Variants in CNOT10 observed in about 807,000 individuals in gnomAD.
CNOT10 encodes CCR4-NOT transcription complex, subunit 10.
CNOT10 carries 30 observed loss-of-function variants against 94.6 expected under a neutral mutation model. The observed-to-expected ratio is 0.32, with a 90% confidence interval of 0.24 to 0.43. CNOT10 has a LOEUF of 0.43. Ranked by LOEUF, CNOT10 falls within the 20% of genes least tolerant of loss-of-function variation. The pLI, the probability that CNOT10 is intolerant of heterozygous loss-of-function variation, is 1.00. For synonymous variants in CNOT10, 289 were observed against 301.6 expected, an observed-to-expected ratio of 0.96 and a Z score of 0.43; for missense variants, 759 against 877.2, an observed-to-expected ratio of 0.87 and a Z score of 1.70.
chr3:32,719,247 T>TAAAAAG (rs1392336822), intron 7 of CNOT10, among the ~76,000 whole-genome samples: 3 of 151,256 alleles, frequency 2.0e-5, no homozygotes. Context: ...AGACTCCGTC[T>TAAAAAG]AAAAACAAAA....
intron 13 of CNOT10, chr3:32,753,118 T>G (rs1171175730): frequency 7.1e-6 from 4 of 564,872 alleles, no homozygotes; most frequent in Non-Finnish European, 1.4e-5. Context: ...CAAAGAAGTC[T>G]CTCGAATTCA....
At chr3:32,710,867 C>T (rs575650905) in intron 4 of CNOT10, among the ~76,000 whole-genome samples, 1 of 152,108 alleles carries the variant, frequency 6.6e-6, no homozygotes, top group Non-Finnish European at 1.5e-5. Context: ...ATTACAGTCA[C>T]GCGCCACCAC....
intron 4 of CNOT10, among the ~76,000 whole-genome samples, chr3:32,709,865 T>C (rs1575221691): frequency 6.6e-6 from 1 of 152,222 alleles, no homozygotes; most frequent in East Asian, 1.9e-4. Context: ...AATATAAATA[T>C]GCCCAGCGCA....
chr3:32,695,949 AAAT>A lies in CNOT10; in HGVS notation c.23-7915_23-7913del, dbSNP rs556416469. The stretch of plus-strand genomic sequence containing the variant: ...ATGTACAAATACACAAGGAAAATAA[AAAT>A]AATCCTGTTGAAGAGAGTGTGTGTG... On this transcript the variant is annotated intron_variant, in intron 1 of 18. Transcript: ENST00000328834. 4.9e-4 allele frequency: 369 copies of A among 757,490 alleles called. 1 individual carries two copies. In the African/African-American group the frequency reaches 5.0e-3, roughly 10 times the overall value. The allele number at this position is 757,490 out of a possible 1,614,324, so 46.9% of individuals were successfully genotyped here. A position where few individuals can be genotyped will look rare whatever the true frequency, so the allele number is the denominator to read the frequency against.
intron 14 of CNOT10, among the ~76,000 whole-genome samples, chr3:32,762,272 T>A (rs1293190263): frequency 3.3e-5 from 5 of 151,292 alleles, no homozygotes; most frequent in African/African-American, 7.3e-5. Flanking sequence ...TCTTAATTTT[T>A]ATTTTTATTT....
intron 13 of CNOT10, among the ~76,000 whole-genome samples, chr3:32,741,036 T>G (rs1699439811): frequency 6.6e-6 from 1 of 151,994 alleles, no homozygotes; most frequent in Non-Finnish European, 1.5e-5. Context: ...GAAAGATCCC[T>G]CATATTGCCC....
At chr3:32,723,908 G>C (rs1234082591) in intron 8 of CNOT10, among the ~76,000 whole-genome samples, 1 of 152,048 alleles carries the variant, frequency 6.6e-6, no homozygotes, top group Non-Finnish European at 1.5e-5. Context: ...CAGGGACCCT[G>C]TCTCTGCAAA....
intron 15 of CNOT10, chr3:32,764,076 G>A (rs1263770454): frequency 1.1e-5 from 2 of 178,534 alleles, no homozygotes; most frequent in Non-Finnish European, 2.3e-5. Context: ...GTTGCAGTGA[G>A]TCGTGCCATT....
At chr3:32,752,987 C>A (rs1431364174) in intron 13 of CNOT10, 14 of 469,852 alleles carry the variant, frequency 3.0e-5, no homozygotes, top group South Asian at 2.2e-4. Flanking sequence ...TCGACGAGGA[C>A]CCCCAGGCGG....
intron 1 of CNOT10, among the ~76,000 whole-genome samples, chr3:32,701,862 G>A (rs1459307255): frequency 6.6e-6 from 1 of 151,954 alleles, no homozygotes; most frequent in Non-Finnish European, 1.5e-5. Context: ...GTGCAATCTC[G>A]GCTCACTGCA....
intron 8 of CNOT10, among the ~76,000 whole-genome samples, chr3:32,720,827 CCCTCCCTCCCTT>C (rs1280416022): frequency 7.4e-6 from 1 of 134,448 alleles, no homozygotes; most frequent in Non-Finnish European, 1.6e-5. Context: ...TGCCTGCCCT[CCCTCCCTCCCTT>C]CCTCCCTTCC....
At chr3:32,738,329 G>A (rs1699284682) in intron 13 of CNOT10, among the ~76,000 whole-genome samples, 1 of 152,052 alleles carries the variant, frequency 6.6e-6, no homozygotes, top group Non-Finnish European at 1.5e-5. Flanking sequence ...CTAATAAAAA[G>A]GACAGGTATT....
intron 17 of CNOT10, among the ~76,000 whole-genome samples, chr3:32,766,991 G>A (rs1700673622): frequency 6.6e-6 from 1 of 152,348 alleles, no homozygotes; most frequent in East Asian, 1.9e-4. Context: ...ATGGGAATAA[G>A]ACTGCACATA....
At chr3:32,759,761 G>T (rs982575705) in intron 14 of CNOT10, among the ~76,000 whole-genome samples, 190 bp downstream of exon 14, 23 of 152,126 alleles carry the variant, frequency 1.5e-4, no homozygotes, top group Non-Finnish European at 2.8e-4. Flanking sequence ...TGTACTGAGC[G>T]TTAGGAGACA....
At chr3:32,753,909 A>G (rs1461670679) in intron 13 of CNOT10, 3 of 1,240,416 alleles carry the variant, frequency 2.4e-6, no homozygotes, top group Non-Finnish European at 3.5e-6. Flanking sequence ...TAAATAAATT[A>G]ATTTGCTCTC....
intron 1 of CNOT10, among the ~76,000 whole-genome samples, chr3:32,692,040 G>A (rs1386071072): frequency 2.2e-5 from 3 of 139,058 alleles, no homozygotes; most frequent in African/African-American, 8.1e-5. Flanking sequence ...GACTGAGTGA[G>A]ACCCTGTCAC....
At position 32,773,602 on chromosome 3, in the gene CNOT10, G is replaced by A; in HGVS notation, c.2226G>A (p.Gln742=). ...PIQMPAFTTV[Q]RK ...AAATGCCGGCTTTCACCACTGTGCA[G>A]AGAAAGTGATACTTCACTTTTGGAA... is the stretch of plus-strand genomic sequence containing the variant. The change falls in exon 19 of 19, where the codon CAG becomes CAA. Residue 742 remains glutamine, a synonymous_variant. Transcript: ENST00000328834. The A allele has an allele frequency of 6.2e-7, 1 of 1,609,170 alleles. No individual in the cohort carries two copies. Among genetic ancestry groups the A allele is most frequent in the East Asian group, 2.2e-5 (1 of 44,770 alleles).
intron 12 of CNOT10, 34 bp downstream of exon 12, chr3:32,735,010 T>C (rs749835857): frequency 1.8e-5 from 28 of 1,564,568 alleles, no homozygotes; most frequent in Admixed American, 7.0e-5. Flanking sequence ...TTTGGCAAAA[T>C]CCTTTCAGGA....
chr3:32,700,972 CTT>C (rs765975246), intron 1 of CNOT10, among the ~76,000 whole-genome samples: 28 of 152,222 alleles, frequency 1.8e-4, no homozygotes, highest in Non-Finnish European at 3.4e-4. Context: ...GAAAAGAAAA[CTT>C]AACATTAAAA....
Sources: gnomAD v4.1 joint callset for allele counts (sites outside exome capture counted in the v4.1 genomes callset) on GRCh38, gnomAD v4.1.1 for gene constraint, MANE v1.5 for transcripts, NCBI Gene and HGNC (gene_info 2026-07-23, HGNC 2026-07-21) for gene names.